Variants in FOXN3 observed in about 807,000 individuals in gnomAD.
The protein encoded by FOXN3 is forkhead box protein N3.
FOXN3 carries 7 observed loss-of-function variants against 38.4 expected under a neutral mutation model. That is an observed-to-expected ratio of 0.18 (90% CI 0.10 to 0.34). The LOEUF is 0.34. Among genes scored for constraint, FOXN3 ranks in the 10% least tolerant of loss-of-function variants. The probability of loss-of-function intolerance (pLI) is 1.00; values close to 1 mark genes in which losing one functional copy is unlikely to be tolerated. For synonymous variants in FOXN3, 230 were observed against 242.2 expected, an observed-to-expected ratio of 0.95 and a Z score of 0.47; for missense variants, 456 against 613.4, an observed-to-expected ratio of 0.74 and a Z score of 2.71.
chr14:89,335,051 A>C (rs1020624850), intron 3 of FOXN3, among the ~76,000 whole-genome samples: 1 of 151,316 alleles, frequency 6.6e-6, no homozygotes, highest in Non-Finnish European at 1.5e-5. Flanking sequence ...AGACCTGAAA[A>C]AGAGTAGAAC....
intron 1 of FOXN3, among the ~76,000 whole-genome samples, chr14:89,574,981 G>A (rs895903377): frequency 4.6e-5 from 7 of 152,172 alleles, no homozygotes; most frequent in African/African-American, 1.7e-4. Flanking sequence ...CCCACCAGCT[G>A]ATCGGTATGC....
intron 1 of FOXN3, among the ~76,000 whole-genome samples, chr14:89,528,152 T>A (rs1352397372): frequency 6.6e-6 from 1 of 152,116 alleles, no homozygotes; most frequent in Non-Finnish European, 1.5e-5. Context: ...ACCTAGCCAT[T>A]CCAATCTTAG....
chr14:89,168,776 C>T (rs1018040505), intron 5 of FOXN3, among the ~76,000 whole-genome samples: 9 of 151,822 alleles, frequency 5.9e-5, no homozygotes, highest in South Asian at 2.1e-4. Flanking sequence ...ACGTCCCATG[C>T]GGGATAAAAA....
chr14:89,235,430 G>C (rs926908012), intron 4 of FOXN3, among the ~76,000 whole-genome samples: 3 of 152,190 alleles, frequency 2.0e-5, no homozygotes, highest in Admixed American at 1.3e-4. Flanking sequence ...GAAACCATCA[G>C]CCGTTGTGAC....
chr14:89,241,078 G>A (rs1028099230), intron 4 of FOXN3, among the ~76,000 whole-genome samples: 14 of 152,030 alleles, frequency 9.2e-5, no homozygotes, highest in African/African-American at 2.2e-4. Flanking sequence ...TCCAATTAGC[G>A]CTACCCCCCA....
Position 89,604,345 on chromosome 14 carries a change from CA to C in FOXN3, c.-15+14682del, listed in dbSNP as rs896563264. Among the ~76,000 whole-genome samples, 8 of 151,910 alleles carry C rather than the reference CA, an allele frequency of 5.3e-5. No individual in the cohort carries two copies. The South Asian group carries it at 1.5e-3, about 28-fold the overall frequency. ...AAAACAATAGAGAGGAGAACCCGGC[CA>C]ACAAAGACTTCAAACTTTAAAATTA... is the stretch of plus-strand genomic sequence containing the variant. On this transcript the variant is annotated intron_variant, in intron 1 of 6. Transcript: ENST00000345097.
intron 1 of FOXN3, among the ~76,000 whole-genome samples, chr14:89,437,505 C>A (rs565089433): frequency 6.6e-6 from 1 of 152,286 alleles, no homozygotes; most frequent in South Asian, 2.1e-4. Context: ...GCAACTCCAT[C>A]TTGAATACGA....
At chr14:89,539,778 G>T (rs559191388) in intron 1 of FOXN3, among the ~76,000 whole-genome samples, 11 of 152,328 alleles carry the variant, frequency 7.2e-5, no homozygotes, top group African/African-American at 2.6e-4. Flanking sequence ...AGACACTGAT[G>T]GGTGACAGAG....
At chr14:89,537,752 T>C (rs1048193298) in intron 1 of FOXN3, among the ~76,000 whole-genome samples, 2 of 152,232 alleles carry the variant, frequency 1.3e-5, no homozygotes, top group Non-Finnish European at 2.9e-5. Flanking sequence ...TTAGGCCATG[T>C]TGTTAAGAAC....
intron 4 of FOXN3, among the ~76,000 whole-genome samples, chr14:89,260,168 C>T (rs756268836): frequency 6.6e-5 from 10 of 152,210 alleles, no homozygotes; most frequent in Non-Finnish European, 1.2e-4. Flanking sequence ...GCTTACCGGT[C>T]CTCACCCTGC....
chr14:89,392,520 C>T lies in FOXN3; in HGVS notation c.543+19414G>A, dbSNP rs147536016. On this transcript the variant is annotated intron_variant, in intron 2 of 5. Coordinates refer to ENST00000557258, the MANE Select transcript of FOXN3 (RefSeq NM_005197.4). Reference sequence around the variant, plus strand: ...AAGCTGGGAGACAGAATCTGTTCTACGACCCTCTCTGGTGATGTCAGAATC... The same window carrying T: ...AAGCTGGGAGACAGAATCTGTTCTATGACCCTCTCTGGTGATGTCAGAATC... Among the ~76,000 whole-genome samples the T allele has an allele frequency of 1.4e-4, 22 of 152,216 alleles. No individual in the cohort carries two copies. The East Asian group carries it at 3.7e-3, about 25-fold the overall frequency.
intron 4 of FOXN3, among the ~76,000 whole-genome samples, chr14:89,210,661 C>T (rs1884062456): frequency 6.6e-6 from 1 of 152,166 alleles, no homozygotes; most frequent in South Asian, 2.1e-4. Context: ...ACCATCATTT[C>T]CTATTTTAGT....
chr14:89,615,115 G>GGTT (rs1896467986), intron 1 of FOXN3, among the ~76,000 whole-genome samples: 2 of 28,060 alleles, frequency 7.1e-5, no homozygotes, highest in South Asian at 3.4e-3. Context: ...CCCCAATTTC[G>GGTT]ATTTTTTTTT....
intron 2 of FOXN3, among the ~76,000 whole-genome samples, chr14:89,402,928 C>G (rs1300477914): frequency 2.0e-5 from 3 of 152,192 alleles, no homozygotes; most frequent in Non-Finnish European, 2.9e-5. Context: ...AATGCTCATT[C>G]CCACACCCGA....
intron 3 of FOXN3, among the ~76,000 whole-genome samples, chr14:89,326,866 GC>G (rs1339833522): frequency 6.6e-6 from 1 of 152,148 alleles, no homozygotes; most frequent in Non-Finnish European, 1.5e-5. Flanking sequence ...GAAATATTTA[GC>G]CACTACAACT....
chr14:89,596,423 C>A (rs1463022892), intron 1 of FOXN3, among the ~76,000 whole-genome samples: 3 of 152,212 alleles, frequency 2.0e-5, no homozygotes, highest in Non-Finnish European at 4.4e-5. Flanking sequence ...AGGCGTGAGA[C>A]ACTGTGCCCG....
chr14:89,278,998 C>T (rs1321213183), intron 4 of FOXN3, among the ~76,000 whole-genome samples: 2 of 151,720 alleles, frequency 1.3e-5, no homozygotes, highest in East Asian at 3.9e-4. Context: ...CACCAAAGGA[C>T]ACAAAAATAT....
intron 1 of FOXN3, among the ~76,000 whole-genome samples, chr14:89,436,487 T>A (rs1428259918): frequency 2.0e-5 from 3 of 152,120 alleles, no homozygotes; most frequent in Non-Finnish European, 4.4e-5. Flanking sequence ...TTCTCTCCCT[T>A]TCCCAGAGTC....
At chr14:89,241,733 C>A (rs1278304208) in intron 4 of FOXN3, among the ~76,000 whole-genome samples, 3 of 152,156 alleles carry the variant, frequency 2.0e-5, no homozygotes, top group African/African-American at 7.2e-5. Flanking sequence ...AGTGTCAAGG[C>A]TCTGGGATAC....
Sources: gnomAD v4.1 joint callset for allele counts (sites outside exome capture counted in the v4.1 genomes callset) on GRCh38, gnomAD v4.1.1 for gene constraint, MANE v1.5 for transcripts, NCBI Gene and HGNC (gene_info 2026-07-23, HGNC 2026-07-21) for gene names.